Variants in SCHIP1 observed in about 807,000 individuals in gnomAD.
The protein encoded by SCHIP1 is schwannomin-interacting protein 1.
In SCHIP1, 8 loss-of-function variants were observed where a neutral mutation model predicts 29.7. The observed-to-expected ratio is 0.27, with a 90% CI of 0.16 to 0.49. The LOEUF is 0.49. Among genes scored for constraint, SCHIP1 ranks in the 20% least tolerant of loss-of-function variants. The probability of loss-of-function intolerance (pLI) is 0.99; values close to 1 mark genes in which losing one functional copy is unlikely to be tolerated. For synonymous variants in SCHIP1, 76 were observed against 94.9 expected, an observed-to-expected ratio of 0.80 and a Z score of 1.16; for missense variants, 193 against 294.6, an observed-to-expected ratio of 0.66 and a Z score of 2.52.
the SCHIP1 span, among the ~76,000 whole-genome samples, chr3:159,397,586 G>A: frequency 6.6e-6 from 1 of 152,150 alleles, no homozygotes; most frequent in Admixed American, 6.5e-5. Flanking sequence ...TGCTGTGTGA[G>A]GTGTCAATCT....
the SCHIP1 span, among the ~76,000 whole-genome samples, chr3:159,819,622 C>A: frequency 6.6e-6 from 1 of 152,192 alleles, no homozygotes; most frequent in Admixed American, 6.5e-5. Flanking sequence ...AAAAACATTT[C>A]CCCTTCCCTA....
the SCHIP1 span, among the ~76,000 whole-genome samples, chr3:159,686,979 A>G: frequency 1.3e-5 from 2 of 151,936 alleles, no homozygotes; most frequent in African/African-American, 4.8e-5. Context: ...CTCTTTCCTC[A>G]CTGCACCCAC....
chr3:159,298,726 A>G, the SCHIP1 span, among the ~76,000 whole-genome samples: 19 of 152,338 alleles, frequency 1.2e-4, no homozygotes, highest in African/African-American at 4.3e-4. Flanking sequence ...ACAATGTAGA[A>G]GTGTTTGTAA....
At chr3:159,406,806 C>A in the SCHIP1 span, among the ~76,000 whole-genome samples, 1 of 152,122 alleles carries the variant, frequency 6.6e-6, no homozygotes, top group African/African-American at 2.4e-5. Context: ...TTTGTTTACG[C>A]AGTGTTAAGC....
chr3:159,748,673 TGA>T, the SCHIP1 span, among the ~76,000 whole-genome samples: 2 of 152,248 alleles, frequency 1.3e-5, no homozygotes, highest in Non-Finnish European at 2.9e-5. Context: ...AGTCATTTTA[TGA>T]GAGTCAAAAG....
At chr3:159,660,840 G>T in the SCHIP1 span, among the ~76,000 whole-genome samples, 1 of 152,116 alleles carries the variant, frequency 6.6e-6, no homozygotes, top group Non-Finnish European at 1.5e-5. Context: ...AGAACAAAGG[G>T]AAAAGGAAAG....
At chr3:159,298,843 C>A in the SCHIP1 span, among the ~76,000 whole-genome samples, 31 of 152,308 alleles carry the variant, frequency 2.0e-4, no homozygotes, top group East Asian at 5.4e-3. Flanking sequence ...ATCGTTGGCC[C>A]ATGCCACATC....
At chr3:159,543,308 A>G in the SCHIP1 span, among the ~76,000 whole-genome samples, 4 of 148,662 alleles carry the variant, frequency 2.7e-5, no homozygotes, top group Non-Finnish European at 6.0e-5. Context: ...TGCTGCACCC[A>G]TTAACTCGTC....
the SCHIP1 span, among the ~76,000 whole-genome samples, chr3:159,436,855 G>A: frequency 6.6e-6 from 1 of 152,158 alleles, no homozygotes; most frequent in Admixed American, 6.6e-5. Context: ...TATATACCAG[G>A]AGTCTATGCC....
the SCHIP1 span, among the ~76,000 whole-genome samples, chr3:159,511,438 T>G: frequency 6.6e-6 from 1 of 152,214 alleles, no homozygotes; most frequent in Non-Finnish European, 1.5e-5. Context: ...TGCCTCGCCC[T>G]GCTTCAGCTC....
chr3:159,703,158 A>G, the SCHIP1 span, among the ~76,000 whole-genome samples: 1 of 152,216 alleles, frequency 6.6e-6, no homozygotes, highest in East Asian at 1.9e-4. Context: ...TTCTGTTTAG[A>G]CTGAAGCAGG....
the SCHIP1 span, chr3:159,274,781 C>T: frequency 1.3e-6 from 1 of 779,038 alleles, no homozygotes; most frequent in Non-Finnish European, 1.6e-6. Context: ...TTTTCTCAGG[C>T]CAATTAAACT....
At chr3:159,732,455 A>C in the SCHIP1 span, among the ~76,000 whole-genome samples, 1 of 152,186 alleles carries the variant, frequency 6.6e-6, no homozygotes, top group Non-Finnish European at 1.5e-5. Context: ...GCCCTCTATA[A>C]TCGTTCTCAT....
At chr3:159,676,430 G>C in the SCHIP1 span, among the ~76,000 whole-genome samples, 1 of 152,156 alleles carries the variant, frequency 6.6e-6, no homozygotes, top group South Asian at 2.1e-4. Context: ...TTCACTGTCA[G>C]AATAAATGCT....
At chr3:159,662,150 G>A in the SCHIP1 span, among the ~76,000 whole-genome samples, 14 of 151,992 alleles carry the variant, frequency 9.2e-5, no homozygotes, top group Non-Finnish European at 1.8e-4. Flanking sequence ...CTGCCACTCT[G>A]GCTCATACCC....
At chr3:159,505,042 C>A in the SCHIP1 span, among the ~76,000 whole-genome samples, 1 of 152,114 alleles carries the variant, frequency 6.6e-6, no homozygotes, top group Non-Finnish European at 1.5e-5. Context: ...ATAGCATCTG[C>A]AAAGACCAGG....
At chr3:159,356,076 A>C in the SCHIP1 span, among the ~76,000 whole-genome samples, 3 of 152,140 alleles carry the variant, frequency 2.0e-5, no homozygotes, top group East Asian at 5.8e-4. Flanking sequence ...CAATGGTTGA[A>C]CTAGTTTACA....
chr3:159,422,191 A>G, the SCHIP1 span, among the ~76,000 whole-genome samples: 2 of 152,186 alleles, frequency 1.3e-5, no homozygotes, highest in African/African-American at 2.4e-5. Flanking sequence ...CAGAAGTCTG[A>G]GGGTGCCTTA....
chr3:159,444,908 G>A, the SCHIP1 span, among the ~76,000 whole-genome samples: 2 of 152,166 alleles, frequency 1.3e-5, no homozygotes, highest in Admixed American at 1.3e-4. Context: ...AAGGTGAGCT[G>A]GGGGAACATT....
Sources: allele counts gnomAD v4.1 joint callset (sites outside exome capture counted in the v4.1 genomes callset), GRCh38; gene constraint gnomAD v4.1.1; transcripts MANE v1.5; gene names NCBI Gene and HGNC (gene_info 2026-07-23, HGNC 2026-07-21).